The following CTNNBL1 variants were observed in gnomAD, a reference collection of about 807,000 sequenced individuals.
CTNNBL1 encodes the protein beta-catenin-like protein 1.
In CTNNBL1, 31 loss-of-function variants were observed where a neutral mutation model predicts 72.7. The ratio of observed to expected loss-of-function variants is 0.43; its 90% CI spans 0.32 to 0.58. The LOEUF (loss-of-function observed/expected upper bound fraction) is 0.58, where lower values mean the gene tolerates loss of function less well. CTNNBL1 is among the 20% of genes least tolerant of loss of function. The pLI is 0.08. For synonymous variants in CTNNBL1, 240 were observed against 267.3 expected (o/e 0.90, Z 1.00); for missense variants, 534 against 725.1 (o/e 0.74, Z 3.03).
intron 11 of CTNNBL1, among the ~76,000 whole-genome samples, chr20:37,807,505 C>G (rs1302343552): frequency 1.3e-5 from 2 of 152,136 alleles, no homozygotes; most frequent in Non-Finnish European, 2.9e-5. Context: ...TGTCAGGAGT[C>G]AAGCTATGCT....
At chr20:37,796,797 C>T (rs2073778515) in intron 10 of CTNNBL1, among the ~76,000 whole-genome samples, 3 of 152,190 alleles carry the variant, frequency 2.0e-5, no homozygotes, top group Non-Finnish European at 4.4e-5. Context: ...AGGACTCAGG[C>T]TGAAGGAGCA....
At chr20:37,707,895 T>A (rs2072901895) in intron 1 of CTNNBL1, among the ~76,000 whole-genome samples, 1 of 151,632 alleles carries the variant, frequency 6.6e-6, no homozygotes. Flanking sequence ...TTAATTGCAG[T>A]ATTGTTGTGT....
At position 37,756,607 on chromosome 20, in the gene CTNNBL1, C is replaced by A. The variant is rs896213842; in HGVS notation, c.467-952C>A. ...TTTTCTTTTCTTTATACTTCCCTTT[C>A]TTTTCTTTTCTCTCTCTCTCCCTTT... is the stretch of plus-strand genomic sequence containing the variant. On this transcript the variant is annotated intron_variant, in intron 4 of 15. Coordinates refer to ENST00000361383, the MANE Select transcript of CTNNBL1 (RefSeq NM_030877.5). Among the ~76,000 whole-genome samples, 4 of 142,686 alleles carry A rather than the reference C, an allele frequency of 2.8e-5. No individual in the cohort carries two copies. In the South Asian group the frequency reaches 9.4e-4, roughly 34 times the overall value. 93.6% of individuals were successfully genotyped at this position (142,686 alleles called of 152,430 possible).
At chr20:37,794,020 C>G (rs538859640) in intron 10 of CTNNBL1, among the ~76,000 whole-genome samples, 1 of 152,252 alleles carries the variant, frequency 6.6e-6, no homozygotes, top group East Asian at 1.9e-4. Context: ...ACCTTGTGAT[C>G]CACCTGCCTT....
intron 11 of CTNNBL1, among the ~76,000 whole-genome samples, chr20:37,828,939 C>A (rs781542872): frequency 4.6e-5 from 7 of 152,084 alleles, no homozygotes; most frequent in Non-Finnish European, 8.8e-5. Context: ...AATGTTATGG[C>A]TTGATTTGAC....
chr20:37,805,467 G>GCTCA (rs2071949706), intron 11 of CTNNBL1, among the ~76,000 whole-genome samples: 1 of 147,736 alleles, frequency 6.8e-6, no homozygotes, highest in Admixed American at 6.8e-5. Context: ...TGCGATCTCG[G>GCTCA]CTCACTGCAG....
At chr20:37,770,286 A>G (rs2073510299) in intron 7 of CTNNBL1, among the ~76,000 whole-genome samples, 2 of 152,142 alleles carry the variant, frequency 1.3e-5, no homozygotes, top group Non-Finnish European at 2.9e-5. Context: ...TATTCAACAC[A>G]TTTTTTATTC....
chr20:37,773,903 T>TTC (rs1568774060), intron 7 of CTNNBL1, among the ~76,000 whole-genome samples: 2 of 149,000 alleles, frequency 1.3e-5, no homozygotes, highest in East Asian at 1.9e-4. Flanking sequence ...TTTTCTTTCT[T>TTC]TCTCTCTTTT....
chr20:37,868,306 A>G (rs1224189384), intron 15 of CTNNBL1, among the ~76,000 whole-genome samples: 1 of 140,798 alleles, frequency 7.1e-6, no homozygotes, highest in South Asian at 2.2e-4. Flanking sequence ...TTTTTTTTTT[A>G]CTATCCACAC....
chr20:37,867,739 G>T (rs1360402832), intron 15 of CTNNBL1, among the ~76,000 whole-genome samples: 1 of 152,024 alleles, frequency 6.6e-6, no homozygotes, highest in Non-Finnish European at 1.5e-5. Flanking sequence ...GCAGCAGAGA[G>T]AACTCTTTCC....
intron 11 of CTNNBL1, 124 bp downstream of exon 11, chr20:37,803,172 C>T: frequency 1.2e-6 from 1 of 818,658 alleles, no homozygotes; most frequent in Non-Finnish European, 1.9e-6. Flanking sequence ...CTTTTTCTTA[C>T]TATTTTCTTA....
chr20:37,810,130 A>C (rs1426091025), intron 11 of CTNNBL1, among the ~76,000 whole-genome samples: 1 of 152,118 alleles, frequency 6.6e-6, no homozygotes, highest in Non-Finnish European at 1.5e-5. Flanking sequence ...ATCTTAGTCC[A>C]TTTTGTGTTG....
At chr20:37,797,723 C>T (rs938014172) in intron 10 of CTNNBL1, among the ~76,000 whole-genome samples, 2 of 152,178 alleles carry the variant, frequency 1.3e-5, no homozygotes, top group African/African-American at 4.8e-5. Flanking sequence ...GCTCCCCCAT[C>T]CCTGTTACTG....
At chr20:37,736,067 G>T (rs2073168742) in intron 2 of CTNNBL1, among the ~76,000 whole-genome samples, 1 of 152,120 alleles carries the variant, frequency 6.6e-6, no homozygotes, top group South Asian at 2.1e-4. Flanking sequence ...GCTTTCATAG[G>T]TATTATTCCA....
intron 3 of CTNNBL1, among the ~76,000 whole-genome samples, chr20:37,745,369 G>A (rs1309758090): frequency 6.6e-6 from 1 of 152,142 alleles, no homozygotes; most frequent in African/African-American, 2.4e-5. Context: ...GGATATAAGA[G>A]ACAAAGATAC....
chr20:37,740,803 A>G (rs2073209280), intron 3 of CTNNBL1, among the ~76,000 whole-genome samples: 1 of 152,198 alleles, frequency 6.6e-6, no homozygotes, highest in South Asian at 2.1e-4. Context: ...AAAAAGGCAA[A>G]TGGTGTCTTA....
chr20:37,851,161 G>A (rs1260096874), intron 13 of CTNNBL1, among the ~76,000 whole-genome samples: 2 of 152,218 alleles, frequency 1.3e-5, no homozygotes, highest in Admixed American at 6.5e-5. Context: ...CTTTGGAGAT[G>A]AAGCTGTTTA....
chr20:37,741,134 T>C (rs1266779863), intron 3 of CTNNBL1, among the ~76,000 whole-genome samples: 1 of 152,224 alleles, frequency 6.6e-6, no homozygotes, highest in Non-Finnish European at 1.5e-5. Context: ...GATGACCCCA[T>C]CTCAGCCTGG....
intron 7 of CTNNBL1, among the ~76,000 whole-genome samples, chr20:37,768,610 C>T (rs2073493408): frequency 6.6e-6 from 1 of 152,152 alleles, no homozygotes; most frequent in Non-Finnish European, 1.5e-5. Context: ...GTTTTAGTTA[C>T]TCACAGTTAA....
Sources: gnomAD v4.1 joint callset for allele counts (sites outside exome capture counted in the v4.1 genomes callset) on GRCh38, gnomAD v4.1.1 for gene constraint, MANE v1.5 for transcripts, NCBI Gene and HGNC (gene_info 2026-07-23, HGNC 2026-07-21) for gene names.